DTNA: variants seen among roughly 807,000 people sequenced by gnomAD.
The protein encoded by DTNA is dystrobrevin alpha.
A neutral mutation model predicts 100.7 loss-of-function variants in DTNA; 43 were observed. That is an observed-to-expected ratio of 0.43 (90% confidence interval 0.33 to 0.55). DTNA has a LOEUF of 0.55. Among genes scored for constraint, DTNA ranks in the 20% least tolerant of loss-of-function variants. The probability of loss-of-function intolerance (pLI) is 0.04; values close to 1 mark genes in which losing one functional copy is unlikely to be tolerated. For synonymous variants in DTNA, 349 were observed against 347.9 expected (o/e 1.00, Z -0.04); for missense variants, 798 against 953.9 (o/e 0.84, Z 2.15).
intron 1 of DTNA, chr18:34,755,681 G>C: frequency 2.8e-6 from 1 of 360,968 alleles, no homozygotes; most frequent in East Asian, 6.4e-5. Flanking sequence ...TCACCTAACA[G>C]ATGGTAGATT....
intron 1 of DTNA, among the ~76,000 whole-genome samples, chr18:34,539,791 A>C (rs1426032135): frequency 1.3e-5 from 2 of 151,920 alleles, no homozygotes; most frequent in Non-Finnish European, 1.5e-5. Context: ...CATGAATTGG[A>C]ATCTGTTGTC....
At position 34,887,925 on chromosome 18, in the gene DTNA, G is replaced by A. The variant is rs1603368669; in HGVS notation, c.*191G>A. ...CTCCTGACAGACCCCCACCCCTAAA[G>A]ATGTGTCCTGATGACTATAGTGCAG... On this transcript the variant is annotated 3_prime_UTR_variant, in exon 23 of 23. Coordinates refer to ENST00000444659, the MANE Select transcript of DTNA (RefSeq NM_001386795.1). 1.0e-6 allele frequency: 1 copy of A among 986,426 alleles called. No homozygotes were observed. The highest frequency in any genetic ancestry group is 1.1e-4 in the East Asian group (1 of 8,806). The allele number at this position is 986,426 out of a possible 1,614,324, so 61.1% of individuals were successfully genotyped here.
Position 34,628,318 on chromosome 18 carries a change from C to A in DTNA, c.-1-127658C>A, listed in dbSNP as rs73412497. On this transcript the variant is annotated intron_variant, in intron 1 of 19. Coordinates refer to the DTNA transcript ENST00000283365. ...AACATAGCTGTGTGCTAAATCAGTT[C>A]TACTGAAAGGTTTTCAAATTATTTG... 2.4e-3 allele frequency among the ~76,000 whole-genome samples: 360 copies of A among 152,302 alleles called. 3 individuals are homozygous for A. Among genetic ancestry groups the A allele is most frequent in the African/African-American group, 8.2e-3 (342 of 41,554 alleles).
chr18:34,696,379 C>A (rs926081210), intron 1 of DTNA, among the ~76,000 whole-genome samples: 7 of 152,090 alleles, frequency 4.6e-5, no homozygotes, highest in South Asian at 2.1e-4. Context: ...GAGATCAAGA[C>A]CACCCTGGCC....
intron 1 of DTNA, among the ~76,000 whole-genome samples, chr18:34,529,479 G>T (rs2042944364): frequency 6.6e-6 from 1 of 152,112 alleles, no homozygotes; most frequent in Non-Finnish European, 1.5e-5. Context: ...ACAAAGATTT[G>T]CCTCAAGATT....
intron 8 of DTNA, among the ~76,000 whole-genome samples, chr18:34,818,841 G>A (rs542953092): frequency 3.0e-4 from 46 of 152,266 alleles, no homozygotes; most frequent in African/African-American, 1.1e-3. Flanking sequence ...AGGGGAGATT[G>A]TGGTTATATT....
intron 3 of DTNA, chr18:34,767,780 A>G (rs1440977672): frequency 6.6e-6 from 1 of 152,164 alleles, no homozygotes; most frequent in Non-Finnish European, 1.5e-5. Context: ...TAAAAGCCCC[A>G]CCTCTCAACA....
chr18:34,564,516 A>G (rs1250448577), intron 1 of DTNA, among the ~76,000 whole-genome samples: 1 of 152,210 alleles, frequency 6.6e-6, no homozygotes, highest in Non-Finnish European at 1.5e-5. Flanking sequence ...ATTGTTGGGG[A>G]AAAAGAAACT....
chr18:34,824,582 G>T (rs556448759), intron 9 of DTNA, among the ~76,000 whole-genome samples: 1 of 152,180 alleles, frequency 6.6e-6, no homozygotes, highest in East Asian at 1.9e-4. Flanking sequence ...TAAAAAAAAT[G>T]CTGTTAGTCC....
chr18:34,634,632 C>A (rs1349264180), intron 1 of DTNA, among the ~76,000 whole-genome samples: 4 of 151,974 alleles, frequency 2.6e-5, no homozygotes, highest in African/African-American at 7.2e-5. Context: ...ATTTTCATAG[C>A]CTTTTCAGAA....
At chr18:34,644,374 TAC>T (rs2059614113) in intron 1 of DTNA, among the ~76,000 whole-genome samples, 1 of 152,174 alleles carries the variant, frequency 6.6e-6, no homozygotes, top group African/African-American at 2.4e-5. Flanking sequence ...TTAGTTGAGG[TAC>T]ATAGAGAATA....
At chr18:34,820,658 C>A in intron 8 of DTNA, 133 bp from the exon 9 acceptor site, 1 of 1,441,250 alleles carries the variant, frequency 6.9e-7, no homozygotes, top group Non-Finnish European at 9.5e-7. Context: ...ATTGAGCAAA[C>A]TTCCAGACTC....
chr18:34,656,704 T>G (rs1029163531), intron 1 of DTNA, among the ~76,000 whole-genome samples: 1 of 152,204 alleles, frequency 6.6e-6, no homozygotes, highest in African/African-American at 2.4e-5. Flanking sequence ...ATTCGTTATT[T>G]AAAATTTCTT....
chr18:34,652,967 T>C (rs972956840), intron 1 of DTNA, among the ~76,000 whole-genome samples: 3 of 152,164 alleles, frequency 2.0e-5, no homozygotes, highest in African/African-American at 7.2e-5. Flanking sequence ...TTTTGGTACT[T>C]CCTAATGATC....
intron 1 of DTNA, among the ~76,000 whole-genome samples, chr18:34,693,916 T>A (rs1009452051): frequency 2.0e-5 from 3 of 152,152 alleles, no homozygotes; most frequent in Non-Finnish European, 2.9e-5. Context: ...TTACTTTTTT[T>A]AAAAAACGTA....
rs373281492 is a variant in DTNA, at chr18:34,599,916, G to A, written c.-2+106402G>A. ...CTGATTCGAACTCCTGACCTCAAGCGATCTGCTTGCCTCAGCCTTCCAAAG... is the reference window on the plus strand; with the variant it reads ...CTGATTCGAACTCCTGACCTCAAGCAATCTGCTTGCCTCAGCCTTCCAAAG... On this transcript the variant is annotated intron_variant, in intron 1 of 19. Transcript: ENST00000283365. 9.9e-5 allele frequency among the ~76,000 whole-genome samples: 15 copies of A among 152,236 alleles called. No individual in the cohort carries two copies. In the South Asian group the frequency reaches 1.2e-3, roughly 13 times the overall value.
At chr18:34,596,936 G>A (rs572472690) in intron 1 of DTNA, among the ~76,000 whole-genome samples, 2 of 152,098 alleles carry the variant, frequency 1.3e-5, no homozygotes, top group South Asian at 2.1e-4. Flanking sequence ...ATGTGCCATG[G>A]TGGTTTGCTG....
At chr18:34,634,421 T>C (rs1296558990) in intron 1 of DTNA, among the ~76,000 whole-genome samples, 1 of 152,214 alleles carries the variant, frequency 6.6e-6, no homozygotes, top group Non-Finnish European at 1.5e-5. Context: ...AAAAATAAAC[T>C]ATAATTTATA....
At chr18:34,830,053 T>C (rs1301795884) in intron 11 of DTNA, among the ~76,000 whole-genome samples, 1 of 152,166 alleles carries the variant, frequency 6.6e-6, no homozygotes, top group African/African-American at 2.4e-5. Context: ...ATAATGCTGG[T>C]GGTGAATCAC....
Sources: gnomAD v4.1 joint callset for allele counts (sites outside exome capture counted in the v4.1 genomes callset) on GRCh38, gnomAD v4.1.1 for gene constraint, MANE v1.5 for transcripts, NCBI Gene and HGNC (gene_info 2026-07-23, HGNC 2026-07-21) for gene names.